Variants in HOMER2 observed in about 807,000 individuals in gnomAD.
The protein encoded by HOMER2 is homer scaffold protein 2.
Under a neutral mutation model 47.0 loss-of-function variants are expected in HOMER2, and 27 were observed. The ratio of observed to expected loss-of-function variants is 0.57; its 90% CI spans 0.42 to 0.79. HOMER2 has a LOEUF of 0.79. HOMER2 is among the 30% of genes least tolerant of loss of function. The pLI, the probability that HOMER2 is intolerant of heterozygous loss-of-function variation, is 0.00. For missense variants in HOMER2, 443 were observed against 435.0 expected (o/e 1.02, Z -0.16); for synonymous variants, 161 against 163.8 (o/e 0.98, Z 0.13).
chr15:82,835,060 AAAGG>A (rs2051109557), downstream of HOMER2: 1 of 152,186 alleles, frequency 6.6e-6, no homozygotes, highest in African/African-American at 2.4e-5. Flanking sequence ...CCACAGAACA[AAAGG>A]AACGCACCTC....
chr15:82,853,066 C>T (rs1256428), intron 6 of HOMER2, among the ~76,000 whole-genome samples: 82,890 of 152,074 alleles, frequency 0.55, 22,907 homozygotes, highest in African/African-American at 0.63. Context: ...CAGTCCTTGA[C>T]ATGAAGGGCA....
intron 1 of HOMER2, among the ~76,000 whole-genome samples, chr15:82,933,655 G>A (rs1596366657): frequency 1.3e-5 from 2 of 152,286 alleles, no homozygotes; most frequent in African/African-American, 4.8e-5. Context: ...GGGACCTCTG[G>A]TGCCCAGAAC....
At chr15:82,921,325 G>T (rs968182958) in intron 1 of HOMER2, among the ~76,000 whole-genome samples, 2 of 152,074 alleles carry the variant, frequency 1.3e-5, no homozygotes, top group African/African-American at 4.8e-5. Flanking sequence ...CACTGTGCAG[G>T]CCTTGCTCCA....
At chr15:82,969,708 C>T (rs79652489) in intron 1 of HOMER2, among the ~76,000 whole-genome samples, 5,206 of 152,222 alleles carry the variant, frequency 0.034, 270 homozygotes, top group African/African-American at 0.11. Context: ...TGGAGCCAGA[C>T]GTTTTATTTG....
chr15:82,923,748 C>T (rs1227672052), intron 1 of HOMER2, among the ~76,000 whole-genome samples: 1 of 152,202 alleles, frequency 6.6e-6, no homozygotes, highest in African/African-American at 2.4e-5. Context: ...CTGAGGTACA[C>T]TGACCCTCTC....
chr15:82,849,888 T>C lies in HOMER2; in HGVS notation c.859A>G (p.Asn287Asp). ...SEKLEAAERDNQNLEDKVRSL... is the reference protein window; with the variant it reads ...SEKLEAAERDDQNLEDKVRSL... ...CGCACTTTGTCTTCCAGGTTTTGAT[T>C]GTCTCTCTCTGCCGCCTGGCCAAGC... Residue 287 changes from asparagine (N) to aspartate (D), a missense_variant, in exon 9 of 9, where the codon AAT becomes GAT. By Grantham distance (23) the Asn-to-Asp change is conservative. Coordinates refer to ENST00000450735, the MANE Select transcript of HOMER2 (RefSeq NM_004839.4). 1 of 1,613,770 alleles carries C rather than the reference T, an allele frequency of 6.2e-7. No homozygotes were observed. Among genetic ancestry groups the C allele is most frequent in the African/African-American group, 1.3e-5 (1 of 75,042 alleles).
chr15:82,951,070 G>C (rs1354824685), intron 1 of HOMER2, among the ~76,000 whole-genome samples: 1 of 152,038 alleles, frequency 6.6e-6, no homozygotes, highest in Non-Finnish European at 1.5e-5. Flanking sequence ...AACCTCAAAG[G>C]CTCTCACTGC....
rs188853925 is a variant in HOMER2 at position 82,859,196 on chromosome 15, T to C, written c.388-61A>G. On this transcript the variant is annotated intron_variant, in intron 4 of 8. Transcript: ENST00000450735. ...GGCCAAAGTGAATTATCTTCACACGTTATTGCTTGTCTGCACATCGGCAGC... is the reference window on the plus strand; with the variant it reads ...GGCCAAAGTGAATTATCTTCACACGCTATTGCTTGTCTGCACATCGGCAGC... The C allele has an allele frequency of 1.4e-3, 2,207 of 1,609,578 alleles. 13 individuals are homozygous for C. The highest frequency in any genetic ancestry group is 7.3e-3 in the South Asian group (666 of 90,840).
Position 82,854,747 on chromosome 15 carries a change from T to C in HOMER2, c.548A>G (p.Asn183Ser), listed in dbSNP as rs1394939359. Residue 183 changes from asparagine to serine, a missense_variant, in exon 6 of 9, where the codon AAT becomes AGT. By Grantham distance (46) the Asn-to-Ser change is conservative. Coordinates refer to ENST00000450735, the MANE Select transcript of HOMER2 (RefSeq NM_004839.4). ...CTGCAGTGCTGTGGTCAGCCGTGCA[T>C]TGCTCTCCCGAAGGGTCTGCAGCTC... ...EIELQTLRES[N>S]ARLTTALQES... 5 of 1,612,308 alleles carry C rather than the reference T, an allele frequency of 3.1e-6. No individual in the cohort carries two copies. Among genetic ancestry groups the C allele is most frequent in the East Asian group, 4.5e-5 (2 of 44,880 alleles).
At chr15:82,854,273 C>G (rs1643680989) in intron 6 of HOMER2, among the ~76,000 whole-genome samples, 1 of 152,032 alleles carries the variant, frequency 6.6e-6, no homozygotes, top group Non-Finnish European at 1.5e-5. Flanking sequence ...GGCATGGTGG[C>G]AGGCGCCTCT....
At chr15:82,904,061 C>T (rs1201860756) in intron 1 of HOMER2, among the ~76,000 whole-genome samples, 3 of 151,898 alleles carry the variant, frequency 2.0e-5, no homozygotes, top group African/African-American at 7.3e-5. Context: ...CGCTTGGGCC[C>T]GGGAGGTGGA....
intron 1 of HOMER2, among the ~76,000 whole-genome samples, chr15:82,945,113 CT>C (rs1169002996): frequency 2.0e-5 from 3 of 151,950 alleles, no homozygotes; most frequent in Non-Finnish European, 4.4e-5. Context: ...GACACAGGCA[CT>C]GCAAATTACC....
chr15:82,893,823 C>T lies in HOMER2; in HGVS notation c.6-982G>A, dbSNP rs553502188. Among the ~76,000 whole-genome samples, 332 of 152,188 alleles carry T rather than the reference C, an allele frequency of 2.2e-3. 2 individuals are homozygous for T. Among genetic ancestry groups the T allele is most frequent in the Non-Finnish European group, 3.3e-3 (223 of 68,008 alleles). ...GAGGTGGTGGGTAGAGACAGGGTCT[C>T]TCTGTGTTGCCCAGGCTAGTCTTAA... On this transcript the variant is annotated intron_variant, in intron 1 of 8. Coordinates refer to ENST00000450735, the MANE Select transcript of HOMER2 (RefSeq NM_004839.4).
chr15:82,876,064 G>A (rs537881430), intron 2 of HOMER2, among the ~76,000 whole-genome samples: 7 of 152,282 alleles, frequency 4.6e-5, no homozygotes, highest in African/African-American at 1.7e-4. Flanking sequence ...GAGGGGGAGG[G>A]GTCACGTAGA....
chr15:82,940,570 C>T (rs2054243316), intron 1 of HOMER2, among the ~76,000 whole-genome samples: 1 of 152,270 alleles, frequency 6.6e-6, no homozygotes, highest in East Asian at 1.9e-4. Context: ...AGTGAAACCC[C>T]ATCTCTACTA....
upstream of HOMER2, chr15:82,985,975 T>A: frequency 1.4e-6 from 1 of 704,512 alleles, no homozygotes; most frequent in Non-Finnish European, 1.7e-6. Context: ...CTGCTCCCAA[T>A]CAAAGGAGCT....
At chr15:82,909,979 A>T (rs1445495645) in intron 1 of HOMER2, among the ~76,000 whole-genome samples, 1 of 152,012 alleles carries the variant, frequency 6.6e-6, no homozygotes, top group East Asian at 1.9e-4. Context: ...TACTAAAAAT[A>T]CAAATTAGCC....
chr15:82,863,443 T>C (rs2063870008), intron 4 of HOMER2, among the ~76,000 whole-genome samples: 3 of 152,124 alleles, frequency 2.0e-5, no homozygotes, highest in Non-Finnish European at 2.9e-5. Flanking sequence ...TCCAAGCACA[T>C]CTCAACGCCT....
At chr15:82,948,780 G>A (rs546814511) in intron 1 of HOMER2, among the ~76,000 whole-genome samples, 1 of 152,352 alleles carries the variant, frequency 6.6e-6, no homozygotes, top group South Asian at 2.1e-4. Context: ...CACAGTGAGG[G>A]GCACAGCAGC....
Sources: allele counts gnomAD v4.1 joint callset (sites outside exome capture counted in the v4.1 genomes callset), GRCh38; gene constraint gnomAD v4.1.1; transcripts MANE v1.5; gene names NCBI Gene and HGNC (gene_info 2026-07-23, HGNC 2026-07-21).